ARHGAP39: variants seen among roughly 807,000 people sequenced by gnomAD.
ARHGAP39 encodes Rho GTPase activating protein 39.
In ARHGAP39, 44 loss-of-function variants were observed where a neutral mutation model predicts 106.9. The observed-to-expected ratio is 0.41, with a 90% CI of 0.32 to 0.53. The LOEUF (loss-of-function observed/expected upper bound fraction) is 0.53, where lower values mean the gene tolerates loss of function less well. Ranked by LOEUF, ARHGAP39 falls within the 20% of genes least tolerant of loss-of-function variation. The pLI is 0.21. For missense variants in ARHGAP39, 1,496 were observed against 1,577.3 expected (o/e 0.95, Z 0.87); for synonymous variants, 768 against 693.2 (o/e 1.11, Z -1.69).
chr8:144,618,290 G>T (rs1451858547), intron 1 of ARHGAP39, among the ~76,000 whole-genome samples: 1 of 152,210 alleles, frequency 6.6e-6, no homozygotes, highest in East Asian at 1.9e-4. Flanking sequence ...TCCTGAAAGG[G>T]CAGGGCTGGT....
chr8:144,557,716 G>C (rs1817996331), intron 3 of ARHGAP39, among the ~76,000 whole-genome samples: 1 of 152,042 alleles, frequency 6.6e-6, no homozygotes, highest in African/African-American at 2.4e-5. Flanking sequence ...AACCTTCATA[G>C]TATTCAGCGG....
intron 1 of ARHGAP39, among the ~76,000 whole-genome samples, chr8:144,676,388 G>T (rs1192736772): frequency 6.6e-6 from 1 of 151,706 alleles, no homozygotes. Flanking sequence ...GCACTGATTG[G>T]TGCGTTTACA....
At chr8:144,580,228 C>G (rs1187024411) in intron 3 of ARHGAP39, among the ~76,000 whole-genome samples, 1 of 152,218 alleles carries the variant, frequency 6.6e-6, no homozygotes, top group African/African-American at 2.4e-5. Flanking sequence ...CACCTCCAAG[C>G]CTGCTCAGAC....
At chr8:144,620,676 T>C (rs893998558) in intron 1 of ARHGAP39, among the ~76,000 whole-genome samples, 8 of 152,202 alleles carry the variant, frequency 5.3e-5, no homozygotes, top group African/African-American at 1.7e-4. Flanking sequence ...CTTGCAAGAG[T>C]GATGGCTCCA....
intron 8 of ARHGAP39, 64 bp from the exon 9 acceptor site, chr8:144,533,389 G>A (rs570571568): frequency 1.3e-6 from 2 of 1,529,346 alleles, no homozygotes; most frequent in African/African-American, 1.4e-5. Context: ...CGCCACCCCG[G>A]TTGTCTTCTT....
intron 2 of ARHGAP39, among the ~76,000 whole-genome samples, chr8:144,587,890 G>T (rs117238072): frequency 6.6e-6 from 1 of 152,078 alleles, no homozygotes; most frequent in East Asian, 1.9e-4. Flanking sequence ...TGATCTGCCC[G>T]CTTTGGCCTC....
intron 1 of ARHGAP39, among the ~76,000 whole-genome samples, chr8:144,610,760 C>CT (rs1820464436): frequency 1.3e-5 from 2 of 152,062 alleles, no homozygotes; most frequent in South Asian, 4.1e-4. Flanking sequence ...AAATACCCCT[C>CT]TGAGTACAGC....
At chr8:144,693,344 TGAGCCACC>T in the ARHGAP39 span, among the ~76,000 whole-genome samples, 1 of 151,630 alleles carries the variant, frequency 6.6e-6, no homozygotes, top group Non-Finnish European at 1.5e-5. Flanking sequence ...ATTACAGGCG[TGAGCCACC>T]GCGCCCGGCA....
intron 3 of ARHGAP39, among the ~76,000 whole-genome samples, chr8:144,561,633 TGGTTTCCATC>T (rs1818166890): frequency 1.4e-5 from 2 of 147,460 alleles, no homozygotes; most frequent in Non-Finnish European, 3.0e-5. Context: ...CGGACCCCAG[TGGTTTCCATC>T]GCGCTCCAGT....
chr8:144,635,661 G>A lies in ARHGAP39; in HGVS notation c.-81-29966C>T, dbSNP rs536918147. On this transcript the variant is annotated intron_variant, in intron 1 of 11. Transcript: ENST00000377307. ...GGCACTGGAAGTGGGGGTGGTCTTG[G>A]GGAGCTGAGCGCTTACCCGGTGGGA... Among the ~76,000 whole-genome samples the A allele has an allele frequency of 2.0e-3, 301 of 152,318 alleles. 1 individual carries two copies. Among genetic ancestry groups the A allele is most frequent in the Admixed American group, 4.1e-3 (62 of 15,306 alleles).
At chr8:144,590,050 G>A (rs1169909520) in intron 2 of ARHGAP39, among the ~76,000 whole-genome samples, 2 of 152,218 alleles carry the variant, frequency 1.3e-5, no homozygotes, top group Non-Finnish European at 2.9e-5. Context: ...AGGGTCTCTC[G>A]CCTGTCATCC....
chr8:144,593,430 C>T (rs1819481719), intron 2 of ARHGAP39, among the ~76,000 whole-genome samples: 1 of 152,076 alleles, frequency 6.6e-6, no homozygotes, highest in African/African-American at 2.4e-5. Flanking sequence ...AACATTAATC[C>T]AAAGTAGACG....
At chr8:144,550,463 A>T (rs1169389304) in intron 4 of ARHGAP39, among the ~76,000 whole-genome samples, 2 of 151,948 alleles carry the variant, frequency 1.3e-5, no homozygotes, top group Non-Finnish European at 2.9e-5. Flanking sequence ...AAAAGTAGAA[A>T]CCCCACACAT....
chr8:144,536,414 G>C (rs1467716242), intron 7 of ARHGAP39, among the ~76,000 whole-genome samples: 1 of 152,114 alleles, frequency 6.6e-6, no homozygotes, highest in African/African-American at 2.4e-5. Flanking sequence ...GTCCCACTGG[G>C]CTCCACTCCA....
chr8:144,532,021 C>G (rs1277427081), intron 10 of ARHGAP39, among the ~76,000 whole-genome samples: 1 of 127,714 alleles, frequency 7.8e-6, no homozygotes, highest in East Asian at 2.3e-4. Flanking sequence ...GGGCAGGGAG[C>G]AGCAGGTGGG....
In ARHGAP39 at chr8:144,647,472, TC is replaced by T. The variant is rs983694995; in HGVS notation, c.-82+38213del. On this transcript the variant is annotated intron_variant, in intron 1 of 11. Coordinates refer to ENST00000377307, the MANE Select transcript of ARHGAP39 (RefSeq NM_025251.3). This position sits in a 1 kb window ranked among gnomAD's most constrained non-coding sequence, Gnocchi z 4.8. Reference sequence around the variant, plus strand: ...CACAATGTCCATGGCCCCAGAACATTCCCACAAGGAAAGGCTATCGGCAGCC... The same window carrying T: ...CACAATGTCCATGGCCCCAGAACATTCCACAAGGAAAGGCTATCGGCAGCC... 3.3e-5 allele frequency among the ~76,000 whole-genome samples: 5 copies of T among 152,124 alleles called. No homozygotes were observed. The highest frequency in any genetic ancestry group is 7.4e-5 in the Non-Finnish European group (5 of 68,020).
At chr8:144,562,529 G>GACTC (rs747487933) in intron 3 of ARHGAP39, among the ~76,000 whole-genome samples, 35 of 123,260 alleles carry the variant, frequency 2.8e-4, no homozygotes, top group African/African-American at 8.2e-4. Context: ...GTTTCCATCG[G>GACTC]ACTCCAGTGG....
chr8:144,685,995 G>A (rs1279389199), upstream of ARHGAP39, among the ~76,000 whole-genome samples: 2 of 151,324 alleles, frequency 1.3e-5, no homozygotes, highest in Admixed American at 6.6e-5. Flanking sequence ...CCGGAGTCCC[G>A]CGGAGGGCGC....
Position 144,580,833 on chromosome 8 carries a change from C to A in ARHGAP39, c.512+13G>T, listed in dbSNP as rs1231581361. ...CACCTGGCCCCGCCCATAGCAGCTGCCCCCGCCCTCACCTGCCGCTGTCCT... is the reference window on the plus strand; with the variant it reads ...CACCTGGCCCCGCCCATAGCAGCTGACCCCGCCCTCACCTGCCGCTGTCCT... On this transcript the variant is annotated intron_variant, in intron 3 of 11. Transcript: ENST00000377307. 1.3e-6 allele frequency: 2 copies of A among 1,531,026 alleles called. No individual in the cohort carries two copies. The highest frequency in any genetic ancestry group is 2.5e-5 in the South Asian group (2 of 80,132). 94.8% of individuals were successfully genotyped at this position (1,531,026 alleles called of 1,614,324 possible).
Sources: gnomAD v4.1 joint callset for allele counts (sites outside exome capture counted in the v4.1 genomes callset) on GRCh38, gnomAD v4.1.1 for gene constraint, Gnocchi (gnomAD v3.1) non-coding constraint, MANE v1.5 for transcripts, NCBI Gene and HGNC (gene_info 2026-07-23, HGNC 2026-07-21) for gene names.